Variants in NCOA7 observed in about 807,000 individuals in gnomAD.
NCOA7 encodes 140 kDa estrogen receptor-associated protein.
Under a neutral mutation model 104.3 loss-of-function variants are expected in NCOA7, and 45 were observed. The observed-to-expected ratio is 0.43, with a 90% CI of 0.34 to 0.55. The LOEUF is 0.55. Among genes scored for constraint, NCOA7 ranks in the 20% least tolerant of loss-of-function variants. NCOA7 has a pLI of 0.02. For synonymous variants in NCOA7, 398 were observed against 402.3 expected (o/e 0.99, Z 0.13); for missense variants, 1,041 against 1,119.7 (o/e 0.93, Z 1.00).
rs140624502 is a variant in NCOA7 at position 125,914,037 on chromosome 6, C to T, written c.2097-1296C>T. On this transcript the variant is annotated intron_variant, in intron 10 of 15. Transcript: ENST00000392477. ...AGCAAACTAGTCAGTCTTTCAAGAG[C>T]CATTAGGCAGGATGAATCACAAGCT... Among the ~76,000 whole-genome samples the T allele has an allele frequency of 3.0e-3, 461 of 152,314 alleles. 3 individuals are homozygous for T. The highest frequency in any genetic ancestry group is 0.01 in the African/African-American group (421 of 41,574).
intron 2 of NCOA7, among the ~76,000 whole-genome samples, chr6:125,844,258 A>G (rs1348431354): frequency 1.3e-5 from 2 of 152,232 alleles, no homozygotes; most frequent in East Asian, 1.9e-4. Flanking sequence ...TAGTTATTGA[A>G]CACAAAGCCA....
intron 2 of NCOA7, among the ~76,000 whole-genome samples, chr6:125,826,028 G>A (rs1423977326): frequency 3.3e-5 from 5 of 152,054 alleles, no homozygotes; most frequent in Admixed American, 2.6e-4. Flanking sequence ...CACTTTATAC[G>A]AAATGGCATT....
chr6:125,815,519 G>A, intron 2 of NCOA7, 115 bp downstream of exon 2: 1 of 775,588 alleles, frequency 1.3e-6, no homozygotes, highest in African/African-American at 1.7e-5. Flanking sequence ...AAATAGAGCA[G>A]GTAACCAGGA....
intron 1 of NCOA7, among the ~76,000 whole-genome samples, chr6:125,805,157 A>G (rs1349512383): frequency 7.7e-6 from 1 of 130,402 alleles, no homozygotes; most frequent in East Asian, 2.5e-4. Context: ...ATGCAATGGC[A>G]CGATCTCGGC....
intron 6 of NCOA7, 123 bp from the exon 7 acceptor site, chr6:125,882,303 C>G: frequency 1.1e-6 from 1 of 936,890 alleles, no homozygotes; most frequent in African/African-American, 1.7e-5. Context: ...GGATATTTGC[C>G]TTTTTAATGT....
intron 3 of NCOA7, among the ~76,000 whole-genome samples, chr6:125,865,905 C>T (rs1782408927): frequency 7.3e-6 from 1 of 137,010 alleles, no homozygotes; most frequent in South Asian, 2.2e-4. Context: ...TCAGGCATGT[C>T]TTGAACTCCT....
intron 3 of NCOA7, among the ~76,000 whole-genome samples, chr6:125,865,146 A>T (rs1782342569): frequency 7.2e-6 from 1 of 138,606 alleles, no homozygotes; most frequent in Admixed American, 6.8e-5. Flanking sequence ...TGAGAAGCTG[A>T]GTAACTGGCC....
chr6:125,806,434 T>G (rs1364797610), intron 1 of NCOA7, among the ~76,000 whole-genome samples: 1 of 152,206 alleles, frequency 6.6e-6, no homozygotes, highest in Non-Finnish European at 1.5e-5. Context: ...AAAACAGAAC[T>G]TCTCAGGTAT....
At chr6:125,848,067 C>T (rs1166498755) in intron 2 of NCOA7, among the ~76,000 whole-genome samples, 2 of 152,174 alleles carry the variant, frequency 1.3e-5, no homozygotes, top group African/African-American at 4.8e-5. Context: ...CATCACTGGT[C>T]ATCAGAGAAA....
chr6:125,920,954 T>C lies in NCOA7; in HGVS notation c.2256T>C (p.Val752=). Reference sequence around the variant, plus strand: ...TTTTCTCATTTCAGATCATCACTGTTGAAGAGGCAAAGCGCAGGAAGAGCA... The same window carrying C: ...TTTTCTCATTTCAGATCATCACTGTCGAAGAGGCAAAGCGCAGGAAGAGCA... ...PTTKSWEIIT[V]EEAKRRKSTC... The change falls in exon 12 of 16, where the codon GTT becomes GTC. Residue 752 remains valine, a synonymous_variant. Coordinates refer to ENST00000392477, the MANE Select transcript of NCOA7 (RefSeq NM_181782.5). 6.2e-7 allele frequency: 1 copy of C among 1,613,328 alleles called. No individual in the cohort carries two copies. Among genetic ancestry groups the C allele is most frequent in the African/African-American group, 1.3e-5 (1 of 75,020 alleles).
chr6:125,789,997 A>G (rs922190235), upstream of NCOA7, among the ~76,000 whole-genome samples: 2 of 152,166 alleles, frequency 1.3e-5, no homozygotes, highest in Non-Finnish European at 2.9e-5. Flanking sequence ...GGGGATGGGG[A>G]GCTCACAGGC....
At chr6:125,816,886 C>T (rs73771198) in intron 2 of NCOA7, among the ~76,000 whole-genome samples, 1,743 of 152,264 alleles carry the variant, frequency 0.011, 34 homozygotes, top group African/African-American at 0.04. Flanking sequence ...AGAACAGTTG[C>T]ATTAAAAGGA....
intron 3 of NCOA7, among the ~76,000 whole-genome samples, chr6:125,871,600 C>CA (rs751077593): frequency 2.0e-5 from 3 of 152,210 alleles, no homozygotes; most frequent in Non-Finnish European, 4.4e-5. Context: ...TTGGCAGGTG[C>CA]ACATGATTTG....
chr6:125,804,404 G>A (rs1478283380), intron 1 of NCOA7, among the ~76,000 whole-genome samples: 3 of 152,122 alleles, frequency 2.0e-5, no homozygotes, highest in Non-Finnish European at 2.9e-5. Flanking sequence ...GGTGAGGCAG[G>A]CATCATATTT....
chr6:125,910,597 T>G (rs1450291220), intron 10 of NCOA7, among the ~76,000 whole-genome samples: 2 of 152,192 alleles, frequency 1.3e-5, no homozygotes, highest in Admixed American at 6.5e-5. Context: ...GAGAGAGAGA[T>G]AGCTGGTGGG....
At chr6:125,826,534 C>T (rs1442923850) in intron 2 of NCOA7, among the ~76,000 whole-genome samples, 1 of 151,834 alleles carries the variant, frequency 6.6e-6, no homozygotes, top group African/African-American at 2.4e-5. Context: ...ATATTTAAGA[C>T]TTCTCTCAGT....
At chr6:125,863,821 G>A (rs1562936053) in intron 3 of NCOA7, among the ~76,000 whole-genome samples, 1 of 137,186 alleles carries the variant, frequency 7.3e-6, no homozygotes, top group South Asian at 2.2e-4. Context: ...AAGGGTGAGG[G>A]GTCTTTGGCC....
At chr6:125,795,819 C>CT (rs1015243231) in intron 1 of NCOA7, among the ~76,000 whole-genome samples, 1 of 152,074 alleles carries the variant, frequency 6.6e-6, no homozygotes, top group Non-Finnish European at 1.5e-5. Flanking sequence ...TCATTCTTAG[C>CT]TAAGTCCCCT....
intron 3 of NCOA7, among the ~76,000 whole-genome samples, chr6:125,858,530 G>A (rs1263003573): frequency 1.3e-5 from 2 of 151,972 alleles, no homozygotes; most frequent in African/African-American, 2.4e-5. Context: ...CCAGCTACTT[G>A]GGATGCTGAG....
Sources: gnomAD v4.1 joint callset for allele counts (sites outside exome capture counted in the v4.1 genomes callset) on GRCh38, gnomAD v4.1.1 for gene constraint, MANE v1.5 for transcripts, NCBI Gene and HGNC (gene_info 2026-07-23, HGNC 2026-07-21) for gene names.